Variants in TAF1A observed in about 807,000 individuals in gnomAD.
The protein encoded by TAF1A is TATA-box binding protein associated factor, RNA polymerase I subunit A, also known as TATA box-binding protein-associated factor RNA polymerase I subunit A.
Under a neutral mutation model 61.6 loss-of-function variants are expected in TAF1A, and 42 were observed. The observed-to-expected ratio is 0.68, with a 90% confidence interval of 0.53 to 0.88. TAF1A has a LOEUF of 0.88. Among genes scored for constraint, TAF1A ranks in the 40% least tolerant of loss-of-function variants. The pLI, the probability that TAF1A is intolerant of heterozygous loss-of-function variation, is 0.00. For missense variants in TAF1A, 424 were observed against 518.7 expected (o/e 0.82, Z 1.77); for synonymous variants, 179 against 177.7 (o/e 1.01, Z -0.06).
chr1:222,580,746 T>A, intron 3 of TAF1A, among the ~76,000 whole-genome samples: 1 of 144,882 alleles, frequency 6.9e-6, no homozygotes, highest in African/African-American at 2.6e-5. Flanking sequence ...CAGGGATGGG[T>A]AAATGCAGGG....
Position 222,561,346 on chromosome 1 carries a change from C to G in TAF1A, c.1240+18G>C, listed in dbSNP as rs146873388. 1.9e-6 allele frequency: 3 copies of G among 1,588,562 alleles called. No individual in the cohort carries two copies. In the South Asian group the frequency reaches 3.5e-5, roughly 18 times the overall value. ...CAGCCAAAGCTGTGTCTAGATAAAA[C>G]GAAAATAAAAACTGTACCTTTTCCT... On this transcript the variant is annotated intron_variant, in intron 10 of 10. Transcript: ENST00000352967.
intron 3 of TAF1A, among the ~76,000 whole-genome samples, chr1:222,581,012 C>T (rs536517095): frequency 3.9e-5 from 6 of 152,170 alleles, no homozygotes; most frequent in African/African-American, 1.2e-4. Context: ...ATTAGCCAGG[C>T]GTCGTGGCGG....
chr1:222,558,283 T>G (rs1461877416), downstream of TAF1A: 2 of 152,432 alleles, frequency 1.3e-5, no homozygotes, highest in African/African-American at 2.4e-5. Flanking sequence ...AATGGATTAA[T>G]TAGAATATAA....
intron 1 of TAF1A, 51 bp from the exon 2 acceptor site, chr1:222,588,616 C>T: frequency 6.3e-7 from 1 of 1,575,308 alleles, no homozygotes; most frequent in South Asian, 1.2e-5. Context: ...AATCCACAGT[C>T]TTCTGAGTTG....
chr1:222,555,556 A>T (rs1659715652), downstream of TAF1A, among the ~76,000 whole-genome samples: 1 of 152,142 alleles, frequency 6.6e-6, no homozygotes, highest in Admixed American at 6.5e-5. Context: ...GGGCTGAGGG[A>T]AGGGGGAAAT....
chr1:222,569,472 C>G, intron 7 of TAF1A, 38 bp downstream of exon 7: 1 of 1,613,314 alleles, frequency 6.2e-7, no homozygotes. Flanking sequence ...AATGTAGATT[C>G]CCAACCCTGG....
At chr1:222,569,166 T>C in intron 7 of TAF1A, 1 of 850,244 alleles carries the variant, frequency 1.2e-6, no homozygotes, top group African/African-American at 1.8e-5. Context: ...TGGTGGTTCA[T>C]GAATGTAACG....
intron 3 of TAF1A, among the ~76,000 whole-genome samples, chr1:222,583,288 T>C (rs1459356643): frequency 6.6e-6 from 1 of 152,142 alleles, no homozygotes; most frequent in East Asian, 1.9e-4. Flanking sequence ...TACAGGGTTT[T>C]GGTTTCATGG....
intron 2 of TAF1A, among the ~76,000 whole-genome samples, chr1:222,586,403 A>G (rs997933134): frequency 6.6e-5 from 10 of 152,200 alleles, no homozygotes; most frequent in African/African-American, 2.4e-4. Context: ...ACTTTAGATA[A>G]CTATACCTAA....
At chr1:222,565,849 G>C (rs917293627) in intron 7 of TAF1A, among the ~76,000 whole-genome samples, 5 of 152,200 alleles carry the variant, frequency 3.3e-5, no homozygotes, top group Non-Finnish European at 7.3e-5. Flanking sequence ...TTGGGCAACA[G>C]AGTGAGACCC....
chr1:222,563,233 C>T lies in TAF1A; in HGVS notation c.1025G>A (p.Cys342Tyr), dbSNP rs199568756. Residue 342 changes from cysteine (C) to tyrosine (Y), a missense_variant, in exon 9 of 11, where the codon TGC becomes TAC. By Grantham distance (194) the Cys-to-Tyr change is radical. Coordinates refer to ENST00000352967, the MANE Select transcript of TAF1A (RefSeq NM_005681.4). Reference protein sequence around the residue: ...VLFGVLDFAGCTKNITAWKYL... With the variant: ...VLFGVLDFAGYTKNITAWKYL... ...TTTCCAAGCAGTTATATTCTTAGTGCATCCGGCAAAATCTAAGACTCCAAA... is the reference window on the plus strand; with the variant it reads ...TTTCCAAGCAGTTATATTCTTAGTGTATCCGGCAAAATCTAAGACTCCAAA... 1.9e-6 allele frequency: 3 copies of T among 1,612,476 alleles called. No individual in the cohort carries two copies. Among genetic ancestry groups the T allele is most frequent in the Admixed American group, 1.7e-5 (1 of 59,704 alleles).
At position 222,561,413 on chromosome 1, in the gene TAF1A, T is replaced by C; in HGVS notation, c.1191A>G (p.Thr397=). ...FWAKSDWKED[T]ALACEKAFVA... ...CAAAAGCTTTCTCACAGGCCAAAGC[T>C]GTATCTTCCTTCCAATCACTTTTTG... Residue 397 remains threonine, a synonymous_variant, in exon 10 of 11, where the codon ACA becomes ACG. Transcript: ENST00000352967. The C allele has an allele frequency of 6.2e-7, 1 of 1,612,496 alleles. No homozygotes were observed. Among genetic ancestry groups the C allele is most frequent in the Non-Finnish European group, 8.5e-7 (1 of 1,179,280 alleles).
Position 222,569,453 on chromosome 1 carries a change from G to A in TAF1A, c.894+57C>T, listed in dbSNP as rs769186274. On this transcript the variant is annotated intron_variant, in intron 7 of 10. Transcript: ENST00000352967. ...TAAAAGTTAGAAAGCAATGGCCTAAGAATGTTTTAATGTAGATTCCCAACC... is the reference window on the plus strand; with the variant it reads ...TAAAAGTTAGAAAGCAATGGCCTAAAAATGTTTTAATGTAGATTCCCAACC... The A allele has an allele frequency of 1.6e-5, 25 of 1,612,776 alleles. No individual in the cohort carries two copies. In the East Asian group the frequency reaches 5.4e-4, roughly 35 times the overall value.
At chr1:222,586,139 C>T (rs1661005900) in intron 2 of TAF1A, among the ~76,000 whole-genome samples, 1 of 152,124 alleles carries the variant, frequency 6.6e-6, no homozygotes, top group South Asian at 2.1e-4. Flanking sequence ...GTGGTCCTGG[C>T]ATGCAGCAGA....
intron 6 of TAF1A, 78 bp downstream of exon 6, chr1:222,570,457 A>G (rs1660303988): frequency 1.5e-6 from 2 of 1,328,810 alleles, no homozygotes; most frequent in Admixed American, 4.7e-5. Context: ...CTTTCTGATC[A>G]ATAAAGATTA....
At chr1:222,589,072 G>A (rs1349224949) in intron 1 of TAF1A, among the ~76,000 whole-genome samples, 3 of 152,130 alleles carry the variant, frequency 2.0e-5, no homozygotes, top group Admixed American at 6.5e-5. Context: ...AAAATGGTGA[G>A]GACGATAGTC....
intron 9 of TAF1A, among the ~76,000 whole-genome samples, chr1:222,562,339 C>G (rs1253817143): frequency 6.6e-6 from 1 of 151,988 alleles, no homozygotes; most frequent in Non-Finnish European, 1.5e-5. Context: ...CCATGTGCCC[C>G]CTATGGTAGA....
chr1:222,563,582 T>C (rs546803083), intron 8 of TAF1A, among the ~76,000 whole-genome samples: 1 of 152,330 alleles, frequency 6.6e-6, no homozygotes, highest in South Asian at 2.1e-4. Context: ...TTAAAGTACC[T>C]GCCCTGTTTG....
At chr1:222,556,209 G>GGTGCCCT (rs1275692864), downstream of TAF1A, among the ~76,000 whole-genome samples, 2 of 152,186 alleles carry the variant, frequency 1.3e-5, no homozygotes, top group Non-Finnish European at 2.9e-5. Flanking sequence ...GCGATGTGGG[G>GGTGCCCT]GTGCCCTGTG....
Sources: allele counts gnomAD v4.1 joint callset (sites outside exome capture counted in the v4.1 genomes callset), GRCh38; gene constraint gnomAD v4.1.1; transcripts MANE v1.5; gene names NCBI Gene and HGNC (gene_info 2026-07-23, HGNC 2026-07-21).